Variants in CACNA1B observed in about 807,000 individuals in gnomAD.
CACNA1B encodes voltage-dependent N-type calcium channel subunit alpha-1B.
CACNA1B carries 70 observed loss-of-function variants against 247.2 expected under a neutral mutation model. The ratio of observed to expected loss-of-function variants is 0.28; its 90% confidence interval spans 0.23 to 0.35. CACNA1B has a LOEUF of 0.35. Among genes scored for constraint, CACNA1B ranks in the 10% least tolerant of loss-of-function variants. The probability of loss-of-function intolerance (pLI) is 1.00; values close to 1 mark genes in which losing one functional copy is unlikely to be tolerated. For missense variants in CACNA1B, 2,367 were observed against 3,197.4 expected, an observed-to-expected ratio of 0.74 and a Z score of 6.26; for synonymous variants, 1,231 against 1,294.4, an observed-to-expected ratio of 0.95 and a Z score of 1.05.
At position 138,007,375 on chromosome 9, in the gene CACNA1B, A is replaced by G. The variant is rs1233092140; in HGVS notation, c.2092+491A>G. Among the ~76,000 whole-genome samples, 1 of 152,154 alleles carries G rather than the reference A, an allele frequency of 6.6e-6. No homozygotes were observed. The highest frequency in any genetic ancestry group is 2.4e-5 in the African/African-American group (1 of 41,404). Reference sequence around the variant, plus strand: ...AGTCAGAGGGTGAGTCTGTGGGGTCAGAGCGAGCCCAGCCGCCGGTGGTGA... The same window carrying G: ...AGTCAGAGGGTGAGTCTGTGGGGTCGGAGCGAGCCCAGCCGCCGGTGGTGA... On this transcript the variant is annotated intron_variant, in intron 16 of 46. Transcript: ENST00000371372. The surrounding 1 kb of genome is among the most constrained non-coding windows in gnomAD (Gnocchi z 4.1).
Position 137,957,510 on chromosome 9 carries a change from C to T in CACNA1B, c.1244-88C>T, listed in dbSNP as rs1957963003. ...GGAGCTCAGGAGAGGTCACTGGTCC[C>T]AGGGGGAGGGTGATCCCATGCCCCG... On this transcript the variant is annotated intron_variant, in intron 9 of 46. Coordinates refer to ENST00000371372, the MANE Select transcript of CACNA1B (RefSeq NM_000718.4). The surrounding 1 kb of genome is among the most constrained non-coding windows in gnomAD (Gnocchi z 4.7). The T allele has an allele frequency of 1.1e-6, 1 of 944,844 alleles. No individual in the cohort carries two copies. The highest frequency in any genetic ancestry group is 1.7e-5 in the African/African-American group (1 of 59,468). The allele number at this position is 944,844 out of a possible 1,614,324, so 58.5% of individuals were successfully genotyped here.
At chr9:137,909,043 T>G (rs923667558) in intron 3 of CACNA1B, among the ~76,000 whole-genome samples, 8 of 149,216 alleles carry the variant, frequency 5.4e-5, no homozygotes, top group Non-Finnish European at 1.2e-4. Flanking sequence ...CAGGCTGGAG[T>G]GCAATGGTGC....
At chr9:137,879,919 G>A (rs928362139) in intron 2 of CACNA1B, among the ~76,000 whole-genome samples, 3 of 152,164 alleles carry the variant, frequency 2.0e-5, no homozygotes, top group African/African-American at 7.2e-5. Flanking sequence ...CTGATGCCTG[G>A]CCCCATGTCT....
At chr9:137,908,992 CTTTT>C (rs35407113) in intron 3 of CACNA1B, among the ~76,000 whole-genome samples, 1 of 135,008 alleles carries the variant, frequency 7.4e-6, no homozygotes, top group African/African-American at 2.7e-5. Context: ...CTGTTTTAAC[CTTTT>C]TTTTTTTTTT....
intron 3 of CACNA1B, among the ~76,000 whole-genome samples, chr9:137,903,437 C>A (rs1178970484): frequency 2.6e-5 from 4 of 152,184 alleles, no homozygotes; most frequent in Non-Finnish European, 5.9e-5. Context: ...TCTGCTTCGA[C>A]TCATACGCAT....
chr9:137,948,500 C>T (rs141004296), intron 6 of CACNA1B, among the ~76,000 whole-genome samples: 49 of 152,052 alleles, frequency 3.2e-4, no homozygotes, highest in African/African-American at 9.2e-4. Flanking sequence ...TTGAGATTTT[C>T]GACTTTTTTT....
chr9:138,117,089 C>A (rs1961893432), intron 42 of CACNA1B, among the ~76,000 whole-genome samples: 1 of 152,240 alleles, frequency 6.6e-6, no homozygotes, highest in Non-Finnish European at 1.5e-5. Context: ...TTCAGTGTTT[C>A]ACTGAATGTG....
In CACNA1B at chr9:137,934,624, AC is replaced by A. The variant is rs533349948; in HGVS notation, c.966+17196del. The stretch of plus-strand genomic sequence containing the variant: ...CTGTGCTGGTATCCACAGCTGAGAG[AC>A]CCACAGACAGTTCATATCACAGGAC... On this transcript the variant is annotated intron_variant, in intron 6 of 46. Transcript: ENST00000371372. 4.5e-4 allele frequency among the ~76,000 whole-genome samples: 69 copies of A among 152,290 alleles called. No homozygotes were observed. The Middle Eastern group carries it at 0.01, about 23-fold the overall frequency.
chr9:137,974,755 A>G lies in CACNA1B; in HGVS notation c.1544-1152A>G, dbSNP rs1012740186. Among the ~76,000 whole-genome samples the G allele has an allele frequency of 1.1e-4, 16 of 152,324 alleles. No homozygotes were observed. Among genetic ancestry groups the G allele is most frequent in the African/African-American group, 3.4e-4 (14 of 41,590 alleles). On this transcript the variant is annotated intron_variant, in intron 11 of 46. Transcript: ENST00000371372. The surrounding 1 kb of genome is among the most constrained non-coding windows in gnomAD (Gnocchi z 4.5). ...AGAGGGGGATTCAGAAGCCCTGGGA[A>G]GGCCGAGCTGGACTCTGCCCAGTTG... is the stretch of plus-strand genomic sequence containing the variant.
At position 138,115,549 on chromosome 9, in the gene CACNA1B, C is replaced by T. The variant is rs1172989568; in HGVS notation, c.5650-3C>T. ...CTTTCCCTTCCCTTTGCCTCCTTTGCAGATGGGTCCTGTGTCCCTGTTCCA... is the reference window on the plus strand; with the variant it reads ...CTTTCCCTTCCCTTTGCCTCCTTTGTAGATGGGTCCTGTGTCCCTGTTCCA... On this transcript the variant is annotated splice_region_variant and splice_polypyrimidine_tract_variant and intron_variant, in intron 41 of 46. Coordinates refer to ENST00000371372, the MANE Select transcript of CACNA1B (RefSeq NM_000718.4). The T allele has an allele frequency of 1.2e-6, 2 of 1,611,726 alleles. No homozygotes were observed. The highest frequency in any genetic ancestry group is 4.5e-5 in the East Asian group (2 of 44,810).
intron 20 of CACNA1B, chr9:138,040,623 T>C: frequency 2.3e-6 from 1 of 429,536 alleles, no homozygotes; most frequent in Non-Finnish European, 4.7e-6. Context: ...TGGAGTCCGA[T>C]GTTCGAGGGC....
chr9:138,015,948 A>G (rs1160332930), intron 18 of CACNA1B, among the ~76,000 whole-genome samples: 1 of 152,080 alleles, frequency 6.6e-6, no homozygotes, highest in Non-Finnish European at 1.5e-5. Flanking sequence ...TCACAAATAC[A>G]TATAGGCAAG....
rs370352543 is a variant in CACNA1B at position 138,014,484 on chromosome 9, C to T, written c.2267+1249C>T. ...GCAGCTGTGGACACGGTGGCCATCA[C>T]GCAGAAGACTGCTGGGGGCTCAGTC... is the stretch of plus-strand genomic sequence containing the variant. On this transcript the variant is annotated intron_variant, in intron 18 of 46. Transcript: ENST00000371372. The surrounding 1 kb of genome is among the most constrained non-coding windows in gnomAD (Gnocchi z 6.2). Among the ~76,000 whole-genome samples the T allele has an allele frequency of 1.1e-4, 16 of 152,250 alleles. No individual in the cohort carries two copies. The East Asian group carries it at 1.9e-3, about 18-fold the overall frequency.
At chr9:138,026,041 C>T (rs1958917214) in intron 20 of CACNA1B, among the ~76,000 whole-genome samples, 1 of 152,228 alleles carries the variant, frequency 6.6e-6, no homozygotes, top group Non-Finnish European at 1.5e-5. Flanking sequence ...TCTCCACACA[C>T]AGATGTGTGC....
chr9:138,066,859 CAAT>C, intron 31 of CACNA1B, among the ~76,000 whole-genome samples: 1 of 151,884 alleles, frequency 6.6e-6, no homozygotes, highest in East Asian at 1.9e-4. Context: ...AGAATAAGCT[CAAT>C]AAAGTAGAAG....
chr9:138,099,739 T>TGCGCATGTGCCTGTGTC (rs1961190944), intron 37 of CACNA1B, among the ~76,000 whole-genome samples: 1 of 152,304 alleles, frequency 6.6e-6, no homozygotes, highest in African/African-American at 2.4e-5. Context: ...GTGCCTGTGG[T>TGCGCATGTGCCTGTGTC]GCGCATGTGC....
At chr9:137,916,928 G>A (rs1280567863) in intron 5 of CACNA1B, among the ~76,000 whole-genome samples, 1 of 152,124 alleles carries the variant, frequency 6.6e-6, no homozygotes, top group Admixed American at 6.5e-5. Context: ...AGAATGGGAG[G>A]TTAGGAGTTT....
At chr9:138,032,632 G>A (rs2133452397) in intron 20 of CACNA1B, 1 of 449,464 alleles carries the variant, frequency 2.2e-6, no homozygotes, top group South Asian at 1.6e-5. Context: ...TTCCTGAAGG[G>A]TATTTTCAGT....
intron 31 of CACNA1B, 125 bp from the exon 32 acceptor site, chr9:138,069,633 C>A: frequency 1.4e-6 from 1 of 711,192 alleles, no homozygotes; most frequent in Non-Finnish European, 2.6e-6. Context: ...TGCTGACTCA[C>A]GCCATCCAAC....
Sources: allele counts gnomAD v4.1 joint callset (sites outside exome capture counted in the v4.1 genomes callset), GRCh38; gene constraint gnomAD v4.1.1; non-coding constraint Gnocchi (gnomAD v3.1); transcripts MANE v1.5; gene names NCBI Gene and HGNC (gene_info 2026-07-23, HGNC 2026-07-21).